GSK3B: variants seen among roughly 807,000 people sequenced by gnomAD.
GSK3B encodes the protein glycogen synthase kinase-3 beta.
GSK3B carries 15 observed loss-of-function variants against 56.4 expected under a neutral mutation model. The observed-to-expected ratio is 0.27, with a 90% CI of 0.18 to 0.41. GSK3B has a LOEUF of 0.41. Ranked by LOEUF, GSK3B falls within the 10% of genes least tolerant of loss-of-function variation. The probability of loss-of-function intolerance (pLI) is 1.00; values close to 1 mark genes in which losing one functional copy is unlikely to be tolerated. For missense variants in GSK3B, 300 were observed against 513.4 expected (o/e 0.58, Z 4.02); for synonymous variants, 181 against 188.9 (o/e 0.96, Z 0.34).
chr3:119,996,630 C>G (rs1049101522), intron 2 of GSK3B, among the ~76,000 whole-genome samples: 1 of 151,606 alleles, frequency 6.6e-6, no homozygotes, highest in African/African-American at 2.4e-5. Context: ...AAGGGTCTCA[C>G]TGTTTATTAA....
At chr3:120,031,092 A>C (rs544640126) in intron 1 of GSK3B, among the ~76,000 whole-genome samples, 1 of 152,350 alleles carries the variant, frequency 6.6e-6, no homozygotes, top group East Asian at 1.9e-4. Context: ...TAAAATTCCA[A>C]GATATCATAC....
chr3:119,846,406 A>G (rs1211056634), intron 9 of GSK3B, among the ~76,000 whole-genome samples: 4 of 152,232 alleles, frequency 2.6e-5, no homozygotes, highest in African/African-American at 7.2e-5. Context: ...AAGGGCTAAT[A>G]TCCAGAATCT....
chr3:120,043,510 C>T (rs929287471), intron 1 of GSK3B, among the ~76,000 whole-genome samples: 1 of 152,004 alleles, frequency 6.6e-6, no homozygotes, highest in African/African-American at 2.4e-5. Context: ...ACCTCTGCCC[C>T]TCCAGAAAAG....
At chr3:119,861,611 C>T (rs2056104253) in intron 9 of GSK3B, among the ~76,000 whole-genome samples, 1 of 151,756 alleles carries the variant, frequency 6.6e-6, no homozygotes. Flanking sequence ...GTCTTTATTG[C>T]ATAGAAACAC....
intron 2 of GSK3B, among the ~76,000 whole-genome samples, chr3:119,987,780 G>C (rs1172772712): frequency 6.6e-6 from 1 of 152,116 alleles, no homozygotes; most frequent in East Asian, 1.9e-4. Flanking sequence ...GTGAAATTTA[G>C]CTTATCTGGT....
At chr3:119,869,253 T>C (rs1440321604) in intron 8 of GSK3B, among the ~76,000 whole-genome samples, 1 of 120,602 alleles carries the variant, frequency 8.3e-6, no homozygotes, top group Admixed American at 9.1e-5. Context: ...AAAACATATA[T>C]TCTTTGGCAG....
intron 3 of GSK3B, among the ~76,000 whole-genome samples, chr3:119,945,035 T>C (rs555778605): frequency 3.9e-5 from 6 of 152,272 alleles, no homozygotes; most frequent in South Asian, 4.1e-4. Context: ...TGGGAAGAAA[T>C]AGTTTACTAC....
intron 1 of GSK3B, among the ~76,000 whole-genome samples, chr3:120,073,601 C>T (rs1267652112): frequency 6.6e-6 from 1 of 152,136 alleles, no homozygotes; most frequent in East Asian, 1.9e-4. Context: ...ATAAGTAACA[C>T]TACAAAAAGT....
At chr3:119,881,841 G>A (rs969238444) in intron 7 of GSK3B, among the ~76,000 whole-genome samples, 1 of 152,188 alleles carries the variant, frequency 6.6e-6, no homozygotes, top group Non-Finnish European at 1.5e-5. Flanking sequence ...TTTGTCCCAT[G>A]CTGTTCTCAT....
At chr3:119,919,086 T>C (rs371863163) in intron 4 of GSK3B, among the ~76,000 whole-genome samples, 1 of 152,248 alleles carries the variant, frequency 6.6e-6, no homozygotes, top group Non-Finnish European at 1.5e-5. Flanking sequence ...GTCATCTGTT[T>C]TAGAGTTGCA....
chr3:119,986,470 A>T (rs1280199733), intron 2 of GSK3B, among the ~76,000 whole-genome samples: 4 of 151,538 alleles, frequency 2.6e-5, no homozygotes, highest in African/African-American at 9.7e-5. Flanking sequence ...TCTACAAATA[A>T]CTCAAACAAA....
chr3:119,973,795 G>A (rs1014601524), intron 2 of GSK3B, among the ~76,000 whole-genome samples: 6 of 152,038 alleles, frequency 3.9e-5, no homozygotes, highest in Non-Finnish European at 8.8e-5. Flanking sequence ...GAAAAAAATG[G>A]TACATATAGG....
chr3:119,951,769 T>A (rs2057159409), intron 2 of GSK3B, among the ~76,000 whole-genome samples: 1 of 152,124 alleles, frequency 6.6e-6, no homozygotes. Flanking sequence ...TTATAATTTA[T>A]AATTAAGTTC....
rs1247019169 is a variant in GSK3B at position 119,863,463 on chromosome 3, G to C, written c.1052C>G (p.Pro351Arg). 6.2e-7 allele frequency: 1 copy of C among 1,613,882 alleles called. No homozygotes were observed. The highest frequency in any genetic ancestry group is 8.5e-7 in the Non-Finnish European group (1 of 1,179,912). The change falls in exon 9 of 11, where the codon CCA becomes CGA. Residue 351 changes from proline to arginine, a missense_variant. Transcript: ENST00000264235. ...DELRDPNVKL[P>R]NGRDTPALFN... Reference sequence around the variant, plus strand: ...GAGTGCAGGTGTGTCTCGCCCATTTGGTAGTTTGACATTTGGGTCCCGTAA... The same window carrying C: ...GAGTGCAGGTGTGTCTCGCCCATTTCGTAGTTTGACATTTGGGTCCCGTAA...
At chr3:120,011,698 A>G (rs1353586346) in intron 1 of GSK3B, among the ~76,000 whole-genome samples, 1 of 152,210 alleles carries the variant, frequency 6.6e-6, no homozygotes, top group Admixed American at 6.5e-5. Context: ...TGGCATGAAC[A>G]TTAGTAGTGC....
At chr3:119,910,831 T>C (rs776657383) in intron 6 of GSK3B, among the ~76,000 whole-genome samples, 3 of 152,222 alleles carry the variant, frequency 2.0e-5, no homozygotes, top group African/African-American at 4.8e-5. Flanking sequence ...ATTCACAGCG[T>C]CTTAACCACT....
intron 1 of GSK3B, among the ~76,000 whole-genome samples, chr3:120,068,390 C>CA (rs66541739): frequency 0.027 from 1,368 of 51,276 alleles, 30 homozygotes; most frequent in African/African-American, 0.07. Context: ...GACTCCGTCT[C>CA]AAAAAAAAAA....
At chr3:119,845,463 A>G (rs1324583349) in intron 9 of GSK3B, among the ~76,000 whole-genome samples, 1 of 152,254 alleles carries the variant, frequency 6.6e-6, no homozygotes, top group African/African-American at 2.4e-5. Flanking sequence ...CAACTTCAGC[A>G]AAGTCGCAGG....
At chr3:120,016,408 C>T (rs1262751731) in intron 1 of GSK3B, among the ~76,000 whole-genome samples, 1 of 152,120 alleles carries the variant, frequency 6.6e-6, no homozygotes, top group African/African-American at 2.4e-5. Flanking sequence ...GGAAAATTTA[C>T]GGTGTTCAAA....
Sources: allele counts gnomAD v4.1 joint callset (sites outside exome capture counted in the v4.1 genomes callset), GRCh38; gene constraint gnomAD v4.1.1; transcripts MANE v1.5; gene names NCBI Gene and HGNC (gene_info 2026-07-23, HGNC 2026-07-21).